The following CUL5 variants were observed in gnomAD, a reference collection of about 807,000 sequenced individuals.
CUL5 encodes cullin-5.
A neutral mutation model predicts 108.8 loss-of-function variants in CUL5; 26 were observed. That is an observed-to-expected ratio of 0.24 (90% CI 0.18 to 0.33). The LOEUF is 0.33. Ranked by LOEUF, CUL5 falls within the 10% of genes least tolerant of loss-of-function variation. The pLI is 1.00. For synonymous variants in CUL5, 334 were observed against 298.0 expected, an observed-to-expected ratio of 1.12 and a Z score of -1.25; for missense variants, 524 against 909.2, an observed-to-expected ratio of 0.58 and a Z score of 5.45.
At chr11:108,030,151 T>C (rs537264994) in intron 1 of CUL5, among the ~76,000 whole-genome samples, 1 of 152,328 alleles carries the variant, frequency 6.6e-6, no homozygotes, top group South Asian at 2.1e-4. Context: ...CATAAAGTTA[T>C]TGTACAAAGT....
chr11:108,052,655 C>T lies in CUL5; in HGVS notation c.412-5C>T, dbSNP rs747259367. ...TTATGTTACAATTTGTTCTTGTTTT[C>T]CTAGCTTATGCTTGATACATGGAAT... On this transcript the variant is annotated splice_polypyrimidine_tract_variant and splice_region_variant and intron_variant, in intron 4 of 18. Transcript: ENST00000393094. 45 of 1,592,840 alleles carry T rather than the reference C, an allele frequency of 2.8e-5. No homozygotes were observed. In the Admixed American group the frequency reaches 7.3e-4, roughly 26 times the overall value.
At chr11:108,095,338 A>AT (rs1305111892) in intron 15 of CUL5, among the ~76,000 whole-genome samples, 192 bp from the exon 16 acceptor site, 1 of 152,188 alleles carries the variant, frequency 6.6e-6, no homozygotes, top group Non-Finnish European at 1.5e-5. Context: ...ACTTGGCCAC[A>AT]TTTTGTTACA....
intron 18 of CUL5, among the ~76,000 whole-genome samples, chr11:108,099,097 TG>T (rs1035142162): frequency 6.1e-4 from 91 of 149,128 alleles, no homozygotes; most frequent in African/African-American, 2.1e-3. Flanking sequence ...CTCAACTCCC[TG>T]GGCTCAAAGG....
chr11:108,023,379 A>T (rs956694561), intron 1 of CUL5, among the ~76,000 whole-genome samples: 2 of 151,986 alleles, frequency 1.3e-5, no homozygotes, highest in Non-Finnish European at 2.9e-5. Flanking sequence ...TTTTCCCTTT[A>T]TGGTTAATGC....
intron 1 of CUL5, among the ~76,000 whole-genome samples, chr11:108,024,392 T>C (rs1862405497): frequency 6.6e-6 from 1 of 152,172 alleles, no homozygotes; most frequent in African/African-American, 2.4e-5. Context: ...CACTGCACTC[T>C]TGCCTAGGCA....
intron 7 of CUL5, among the ~76,000 whole-genome samples, chr11:108,065,072 C>G (rs970009550): frequency 3.9e-5 from 6 of 152,006 alleles, no homozygotes; most frequent in African/African-American, 1.4e-4. Context: ...GTCACCCAGG[C>G]TGGAGTGCAG....
rs758465360 is a variant in CUL5 at position 108,098,577 on chromosome 11, T to G, written c.2148+48T>G. The G allele has an allele frequency of 2.5e-5, 34 of 1,381,936 alleles. No homozygotes were observed. The East Asian group carries it at 3.6e-4, about 15-fold the overall frequency. The allele number at this position is 1,381,936 out of a possible 1,614,324, so 85.6% of individuals were successfully genotyped here. A position where few individuals can be genotyped will look rare whatever the true frequency, so the allele number is the denominator to read the frequency against. On this transcript the variant is annotated intron_variant, in intron 18 of 18. Transcript: ENST00000393094. ...CTGAAGTTTAAAAAAACTTTAGTTTTTTTTTTTTTTTTTTAAATTTTGAAA... is the reference window on the plus strand; with the variant it reads ...CTGAAGTTTAAAAAAACTTTAGTTTGTTTTTTTTTTTTTTAAATTTTGAAA...
At position 108,070,076 on chromosome 11, in the gene CUL5, T is replaced by A; in HGVS notation, c.781-20T>A. The A allele has an allele frequency of 6.4e-7, 1 of 1,555,208 alleles. No individual in the cohort carries two copies. The highest frequency in any genetic ancestry group is 1.4e-5 in the African/African-American group (1 of 73,856). On this transcript the variant is annotated intron_variant, in intron 7 of 18. Transcript: ENST00000393094. Reference sequence around the variant, plus strand: ...CTATACAGCTTATAGTAGCCTTGACTAATTTTTGATATATTTCAGCTCATG... The same window carrying A: ...CTATACAGCTTATAGTAGCCTTGACAAATTTTTGATATATTTCAGCTCATG...
chr11:108,106,224 T>A lies in CUL5; in HGVS notation c.*1840T>A, dbSNP rs1445124709. 3 of 152,622 alleles carry A rather than the reference T, an allele frequency of 2.0e-5. No individual in the cohort carries two copies. The highest frequency in any genetic ancestry group is 7.2e-5 in the African/African-American group (3 of 41,474). The allele number at this position is 152,622 out of a possible 1,614,324, so 9.5% of individuals were successfully genotyped here. A position where few individuals can be genotyped will look rare whatever the true frequency, so the allele number is the denominator to read the frequency against. ...TTTAACAGATAATTCAGCATTGGCG[T>A]ATTTGCTTGTCCCAATACAAGAATG... On this transcript the variant is annotated 3_prime_UTR_variant, in exon 19 of 19. Coordinates refer to ENST00000393094, the MANE Select transcript of CUL5 (RefSeq NM_003478.6).
chr11:108,061,634 CTA>C (rs1213806478), intron 7 of CUL5, among the ~76,000 whole-genome samples: 1 of 152,106 alleles, frequency 6.6e-6, no homozygotes, highest in African/African-American at 2.4e-5. Flanking sequence ...TCCTTCCTCT[CTA>C]TTTCCCTCCC....
chr11:108,101,588 T>TCATTAAAG (rs1167740659), intron 18 of CUL5, among the ~76,000 whole-genome samples: 13 of 152,240 alleles, frequency 8.5e-5, no homozygotes, highest in African/African-American at 3.1e-4. Flanking sequence ...AGGATCACCT[T>TCATTAAAG]GCCCTGTCAT....
At chr11:108,040,457 C>G (rs1015465138) in intron 2 of CUL5, among the ~76,000 whole-genome samples, 4 of 151,912 alleles carry the variant, frequency 2.6e-5, no homozygotes, top group Non-Finnish European at 5.9e-5. Flanking sequence ...ACTAAAAATA[C>G]AAAAATCGGC....
intron 1 of CUL5, among the ~76,000 whole-genome samples, chr11:108,014,444 G>T (rs951358636): frequency 6.6e-6 from 1 of 152,208 alleles, no homozygotes; most frequent in Admixed American, 6.6e-5. Context: ...TAGGCAAGGG[G>T]TTTGAAATAA....
At chr11:108,093,520 T>G (rs1864409764) in intron 13 of CUL5, among the ~76,000 whole-genome samples, 1 of 152,206 alleles carries the variant, frequency 6.6e-6, no homozygotes, top group South Asian at 2.1e-4. Context: ...TTTCCAGCAT[T>G]ATCACTTTTC....
At chr11:108,022,377 AT>A (rs1052390317) in intron 1 of CUL5, among the ~76,000 whole-genome samples, 2 of 152,074 alleles carry the variant, frequency 1.3e-5, no homozygotes, top group African/African-American at 4.8e-5. Flanking sequence ...AAACATTTTT[AT>A]TTTTTAACAT....
chr11:108,046,662 A>T (rs1239541743), intron 3 of CUL5, among the ~76,000 whole-genome samples: 2 of 152,156 alleles, frequency 1.3e-5, no homozygotes, highest in Non-Finnish European at 2.9e-5. Context: ...TTGGCTACAC[A>T]TCAGTCCACA....
chr11:108,103,382 A>C (rs1422471645), intron 18 of CUL5, among the ~76,000 whole-genome samples: 1 of 152,152 alleles, frequency 6.6e-6, no homozygotes, highest in African/African-American at 2.4e-5. Context: ...CAACATAGCA[A>C]AACCTTGTGT....
At chr11:108,089,362 T>G in intron 12 of CUL5, 130 bp from the exon 13 acceptor site, 1 of 538,202 alleles carries the variant, frequency 1.9e-6, no homozygotes, top group South Asian at 3.3e-5. Flanking sequence ...GATGGATAAT[T>G]CAGTAGGCCT....
At chr11:108,098,815 G>A (rs755557284) in intron 18 of CUL5, among the ~76,000 whole-genome samples, 97 of 151,598 alleles carry the variant, frequency 6.4e-4, no homozygotes, top group Admixed American at 9.2e-4. Context: ...AACTTATTTA[G>A]AACCAAAAAA....
Sources: gnomAD v4.1 joint callset for allele counts (sites outside exome capture counted in the v4.1 genomes callset) on GRCh38, gnomAD v4.1.1 for gene constraint, MANE v1.5 for transcripts, NCBI Gene and HGNC (gene_info 2026-07-23, HGNC 2026-07-21) for gene names.